The following MVB12B variants were observed in gnomAD, a reference collection of about 807,000 sequenced individuals.
MVB12B encodes multivesicular body subunit 12B, also known as ESCRT-I complex subunit MVB12B.
MVB12B carries 16 observed loss-of-function variants against 41.6 expected under a neutral mutation model. The ratio of observed to expected loss-of-function variants is 0.38; its 90% CI spans 0.26 to 0.58. The LOEUF (loss-of-function observed/expected upper bound fraction) is 0.58. MVB12B is among the 20% of genes least tolerant of loss of function. The pLI is 0.62. For synonymous variants in MVB12B, 133 were observed against 139.7 expected (o/e 0.95, Z 0.34); for missense variants, 274 against 380.2 (o/e 0.72, Z 2.32).
intron 1 of MVB12B, among the ~76,000 whole-genome samples, chr9:126,330,210 A>G (rs1317266515): frequency 1.3e-5 from 2 of 152,110 alleles, no homozygotes; most frequent in Non-Finnish European, 2.9e-5. Context: ...GGGGTTGCAC[A>G]TAGTAGCTTT....
intron 4 of MVB12B, among the ~76,000 whole-genome samples, chr9:126,390,773 A>C (rs1177677253): frequency 6.6e-6 from 1 of 152,170 alleles, no homozygotes; most frequent in Non-Finnish European, 1.5e-5. Flanking sequence ...AGCCTGACCA[A>C]CATGGTGAAA....
intron 6 of MVB12B, among the ~76,000 whole-genome samples, chr9:126,399,611 G>A (rs1052936560): frequency 2.8e-4 from 42 of 152,292 alleles, no homozygotes; most frequent in Non-Finnish European, 2.9e-4. Context: ...AAGAGGTTCC[G>A]CTGCTGCTGG....
intron 7 of MVB12B, among the ~76,000 whole-genome samples, chr9:126,437,029 A>C (rs1832498584): frequency 2.0e-5 from 3 of 151,950 alleles, no homozygotes; most frequent in African/African-American, 7.3e-5. Context: ...TGGTACTGTA[A>C]CCTCTGGTGC....
chr9:126,422,303 C>G (rs1339131762), intron 7 of MVB12B, among the ~76,000 whole-genome samples: 1 of 152,194 alleles, frequency 6.6e-6, no homozygotes, highest in Non-Finnish European at 1.5e-5. Context: ...CTGGTCGGCT[C>G]ACCCTCCCAT....
intron 1 of MVB12B, chr9:126,335,279 C>A: frequency 7.8e-7 from 1 of 1,281,236 alleles, no homozygotes; most frequent in South Asian, 1.3e-5. Flanking sequence ...TGTCAGGATG[C>A]TATCCTGAGG....
intron 9 of MVB12B, among the ~76,000 whole-genome samples, chr9:126,498,122 C>T (rs1833876723): frequency 6.6e-6 from 1 of 152,222 alleles, no homozygotes; most frequent in Admixed American, 6.5e-5. Context: ...GGCTGCATTC[C>T]TCATCTTCAG....
intron 6 of MVB12B, chr9:126,396,954 C>A: frequency 1.0e-6 from 1 of 985,602 alleles, no homozygotes; most frequent in Non-Finnish European, 1.2e-6. Flanking sequence ...GCTGTCAGCT[C>A]CGCCCTGGAG....
chr9:126,406,095 C>A (rs922565865), intron 6 of MVB12B, among the ~76,000 whole-genome samples: 1 of 150,654 alleles, frequency 6.6e-6, no homozygotes, highest in Non-Finnish European at 1.5e-5. Context: ...CCCAGGCTGG[C>A]GTGTTGAGAA....
chr9:126,430,806 G>T (rs575643413), intron 7 of MVB12B, among the ~76,000 whole-genome samples: 5 of 152,330 alleles, frequency 3.3e-5, no homozygotes, highest in African/African-American at 1.2e-4. Flanking sequence ...CCAAGGTTGT[G>T]CACTGCACAA....
intron 7 of MVB12B, among the ~76,000 whole-genome samples, chr9:126,442,511 TCA>T (rs1225013864): frequency 6.6e-6 from 1 of 152,198 alleles, no homozygotes; most frequent in Non-Finnish European, 1.5e-5. Context: ...CCCCTCCAGA[TCA>T]CAATGGCTTA....
intron 6 of MVB12B, among the ~76,000 whole-genome samples, chr9:126,415,015 C>A (rs1012184565): frequency 6.6e-6 from 1 of 152,006 alleles, no homozygotes; most frequent in Non-Finnish European, 1.5e-5. Flanking sequence ...TAGGCATGAG[C>A]CCCCACTCCC....
intron 1 of MVB12B, among the ~76,000 whole-genome samples, chr9:126,338,593 TACCTC>T (rs908629182): frequency 6.6e-6 from 1 of 151,938 alleles, no homozygotes; most frequent in Non-Finnish European, 1.5e-5. Flanking sequence ...AAAAAAAACT[TACCTC>T]ACATGTTCTT....
At chr9:126,372,273 G>T (rs1390331256) in intron 2 of MVB12B, among the ~76,000 whole-genome samples, 5 of 152,146 alleles carry the variant, frequency 3.3e-5, no homozygotes, top group Non-Finnish European at 1.5e-5. Context: ...ATTTTTATCA[G>T]TTGATGAATG....
chr9:126,334,746 C>G (rs1829228872), intron 1 of MVB12B, among the ~76,000 whole-genome samples: 1 of 152,158 alleles, frequency 6.6e-6, no homozygotes, highest in Non-Finnish European at 1.5e-5. Context: ...TAATCATGGG[C>G]AAGCAGGTGG....
intron 9 of MVB12B, among the ~76,000 whole-genome samples, chr9:126,492,360 C>T (rs1194253909): frequency 6.6e-6 from 1 of 151,784 alleles, no homozygotes; most frequent in African/African-American, 2.4e-5. Flanking sequence ...CAATAGATTT[C>T]CTTGTACATG....
rs544688714 is a variant in MVB12B, at chr9:126,499,589, C to A, written c.874-3588C>A. On this transcript the variant is annotated intron_variant, in intron 9 of 9. Transcript: ENST00000361171. Reference sequence around the variant, plus strand: ...GTGAAAGGGCTTCCAGAAGCGGCCCCGTCTCCTGGGTAAACACGGCGGGAG... The same window carrying A: ...GTGAAAGGGCTTCCAGAAGCGGCCCAGTCTCCTGGGTAAACACGGCGGGAG... Among the ~76,000 whole-genome samples, 6 of 152,304 alleles carry A rather than the reference C, an allele frequency of 3.9e-5. 1 individual carries two copies. The South Asian group carries it at 6.2e-4, about 16-fold the overall frequency.
intron 6 of MVB12B, among the ~76,000 whole-genome samples, chr9:126,409,049 C>T (rs2119049006): frequency 6.6e-6 from 1 of 152,216 alleles, no homozygotes; most frequent in African/African-American, 2.4e-5. Flanking sequence ...GTTCCTTGAG[C>T]TTTGCTGCCC....
chr9:126,398,281 A>G (rs10739671), intron 6 of MVB12B, among the ~76,000 whole-genome samples: 124,729 of 151,438 alleles, frequency 0.82, 51,857 homozygotes, highest in African/African-American at 0.91. Context: ...CCCAGCGCCT[A>G]CCTGAATCCA....
rs1834059794 is a variant in MVB12B, at chr9:126,505,872, A to G, written c.*2609A>G. On this transcript the variant is annotated 3_prime_UTR_variant, in exon 10 of 10. Coordinates refer to ENST00000361171, the MANE Select transcript of MVB12B (RefSeq NM_033446.3). ...GGACAAGGGTTCCCTTGGAAATGTG[A>G]AGGGTCTTGGCCTCATCCCTCAGGT... The G allele has an allele frequency of 6.6e-6, 1 of 152,044 alleles. No individual in the cohort carries two copies. 9.4% of individuals were successfully genotyped at this position (152,044 alleles called of 1,614,324 possible).
Sources: gnomAD v4.1 joint callset for allele counts (sites outside exome capture counted in the v4.1 genomes callset) on GRCh38, gnomAD v4.1.1 for gene constraint, MANE v1.5 for transcripts, NCBI Gene and HGNC (gene_info 2026-07-23, HGNC 2026-07-21) for gene names.